The following SIN3B variants were observed in gnomAD, a reference collection of about 807,000 sequenced individuals.
SIN3B encodes SIN3 transcription regulator family member B.
In SIN3B, 19 loss-of-function variants were observed where a neutral mutation model predicts 120.2. The observed-to-expected ratio is 0.16, with a 90% CI of 0.11 to 0.23. The LOEUF (loss-of-function observed/expected upper bound fraction) is 0.23, where lower values mean the gene tolerates loss of function less well. Ranked by LOEUF, SIN3B falls within the 10% of genes least tolerant of loss-of-function variation. The probability of loss-of-function intolerance (pLI) is 1.00; values close to 1 mark genes in which losing one functional copy is unlikely to be tolerated. For synonymous variants in SIN3B, 654 were observed against 653.2 expected (o/e 1.00, Z -0.02); for missense variants, 1,073 against 1,573.0 (o/e 0.68, Z 5.38).
At chr19:16,875,632 G>T (rs1004123370) in intron 14 of SIN3B, among the ~76,000 whole-genome samples, 1 of 147,098 alleles carries the variant, frequency 6.8e-6, no homozygotes, top group Non-Finnish European at 1.5e-5. Context: ...GGTCTGGTCT[G>T]GTCTGGTCTG....
rs747342298 is a variant in SIN3B at position 16,841,821 on chromosome 19, G to A, written c.435G>A (p.Pro145=). Residue 145 remains proline, a synonymous_variant, in exon 4 of 19, where the codon CCG becomes CCA. Transcript: ENST00000248054. The part of the protein sequence containing the change: ...DGAEDFKQQV[P]YKEDKPQVPL... ...CAGAGGACTTCAAGCAGCAGGTGCCGTATAAAGAGGACAAACCCCAGGTGC... is the reference window on the plus strand; with the variant it reads ...CAGAGGACTTCAAGCAGCAGGTGCCATATAAAGAGGACAAACCCCAGGTGC... 24 of 1,613,954 alleles carry A rather than the reference G, an allele frequency of 1.5e-5. No homozygotes were observed. The highest frequency in any genetic ancestry group is 1.6e-4 in the Middle Eastern group (1 of 6,084).
Position 16,863,787 on chromosome 19 carries a change from G to A in SIN3B, c.1374G>A (p.Glu458=). Residue 458 remains glutamate, a synonymous_variant, in exon 10 of 19, where the codon GAG becomes GAA. Coordinates refer to ENST00000248054, the MANE Select transcript of SIN3B (RefSeq NM_001297595.2). ...YEEQLHRCED[E]RFELDVVLET... ...AGCAGCTTCACCGCTGTGAGGACGA[G>A]CGCTTCGAGGTGTGTGTGCTGCTGT... The A allele has an allele frequency of 6.2e-7, 1 of 1,613,312 alleles. No individual in the cohort carries two copies. The highest frequency in any genetic ancestry group is 1.7e-5 in the Admixed American group (1 of 60,026).
chr19:16,846,876 C>T, intron 4 of SIN3B, 94 bp from the exon 5 acceptor site: 1 of 1,353,044 alleles, frequency 7.4e-7, no homozygotes, highest in Non-Finnish European at 1.0e-6. Context: ...GAGAGTCATC[C>T]TGTCCCCTTC....
Position 16,832,500 on chromosome 19 carries a change from C to CT in SIN3B, c.381+871dup, listed in dbSNP as rs769025487. 8.4e-3 allele frequency among the ~76,000 whole-genome samples: 1,087 copies of CT among 129,520 alleles called. 10 individuals carry two copies. The highest frequency in any genetic ancestry group is 0.013 in the African/African-American group (443 of 35,102). The allele number at this position is 129,520 out of a possible 152,430, so 85.0% of individuals were successfully genotyped here. The stretch of plus-strand genomic sequence containing the variant: ...GGCGTGAGCCACCGTGCCCAGCCTC[C>CT]TTTTTTTTTTTTTTTTTTAAGACAG... On this transcript the variant is annotated intron_variant, in intron 3 of 18. Coordinates refer to ENST00000248054, the MANE Select transcript of SIN3B (RefSeq NM_001297595.2).
chr19:16,835,851 C>T (rs1304872251), intron 3 of SIN3B, among the ~76,000 whole-genome samples: 1 of 152,160 alleles, frequency 6.6e-6, no homozygotes, highest in East Asian at 1.9e-4. Flanking sequence ...GACAGGGTTT[C>T]ACCATGTTGT....
intron 3 of SIN3B, among the ~76,000 whole-genome samples, chr19:16,834,513 G>A (rs992336029): frequency 6.6e-6 from 1 of 152,108 alleles, no homozygotes; most frequent in Non-Finnish European, 1.5e-5. Context: ...CAATGATGAC[G>A]GTGCAGACCC....
At chr19:16,861,671 G>A (rs899468407) in intron 8 of SIN3B, among the ~76,000 whole-genome samples, 1 of 151,906 alleles carries the variant, frequency 6.6e-6, no homozygotes, top group African/African-American at 2.4e-5. Context: ...GCTGAGACAG[G>A]AGAATTGCTT....
intron 5 of SIN3B, among the ~76,000 whole-genome samples, chr19:16,847,492 C>T (rs761954647): frequency 3.9e-5 from 6 of 152,256 alleles, no homozygotes; most frequent in Non-Finnish European, 8.8e-5. Flanking sequence ...CCACAATCAT[C>T]GCTTCCCCTG....
At chr19:16,878,443 T>A in intron 18 of SIN3B, 53 bp downstream of exon 18, 1 of 1,578,208 alleles carries the variant, frequency 6.3e-7, no homozygotes, top group Non-Finnish European at 8.6e-7. Context: ...CCCCAAGTCC[T>A]GGGGCCCTGG....
intron 8 of SIN3B, among the ~76,000 whole-genome samples, chr19:16,858,169 G>C (rs1437994108): frequency 6.6e-6 from 1 of 152,132 alleles, no homozygotes; most frequent in African/African-American, 2.4e-5. Context: ...GAGCCACGGC[G>C]CCCAGGCCCT....
Position 16,878,167 on chromosome 19 carries a change from CT to C in SIN3B, c.2955-15del, listed in dbSNP as rs1258513238. On this transcript the variant is annotated splice_polypyrimidine_tract_variant and intron_variant, in intron 17 of 18. Transcript: ENST00000248054. ...TGCCGAGAGCCAGAGTCCATTCCAC[CT>C]CCTTTCGCCCCCAGGAACCTCAAGA... 1.9e-6 allele frequency: 3 copies of C among 1,543,932 alleles called. No homozygotes were observed. The highest frequency in any genetic ancestry group is 1.9e-5 in the Admixed American group (1 of 52,164).
At chr19:16,831,979 A>C (rs1465215081) in intron 3 of SIN3B, among the ~76,000 whole-genome samples, 1 of 152,140 alleles carries the variant, frequency 6.6e-6, no homozygotes, top group African/African-American at 2.4e-5. Flanking sequence ...CAGCGAGCAT[A>C]CCAGGCAGGC....
At chr19:16,832,284 G>A (rs1210693778) in intron 3 of SIN3B, among the ~76,000 whole-genome samples, 15 of 140,712 alleles carry the variant, frequency 1.1e-4, no homozygotes, top group African/African-American at 2.4e-4. Context: ...TGCAACCTCC[G>A]CCTCCCAGGT....
At chr19:16,850,196 CTTT>C (rs1041409580) in intron 5 of SIN3B, among the ~76,000 whole-genome samples, 4 of 151,720 alleles carry the variant, frequency 2.6e-5, no homozygotes, top group African/African-American at 9.7e-5. Flanking sequence ...TAAATAATGT[CTTT>C]ATTATTATTA....
intron 17 of SIN3B, among the ~76,000 whole-genome samples, chr19:16,877,861 C>T (rs748975589): frequency 1.3e-5 from 2 of 152,188 alleles, no homozygotes; most frequent in African/African-American, 2.4e-5. Context: ...GCCAACCCCA[C>T]GATGCGTCAG....
At chr19:16,859,987 G>A (rs1303541078) in intron 8 of SIN3B, among the ~76,000 whole-genome samples, 2 of 152,212 alleles carry the variant, frequency 1.3e-5, no homozygotes, top group Admixed American at 6.5e-5. Context: ...GGTTAGAGGG[G>A]AAGACAGAAG....
At chr19:16,830,396 G>A (rs985921620) in intron 2 of SIN3B, among the ~76,000 whole-genome samples, 5 of 152,116 alleles carry the variant, frequency 3.3e-5, no homozygotes, top group Admixed American at 1.3e-4. Flanking sequence ...AAGGGAGCTG[G>A]CACACAGAAA....
chr19:16,862,983 A>G lies in SIN3B; in HGVS notation c.1266+424A>G, dbSNP rs754118564. The stretch of plus-strand genomic sequence containing the variant: ...GATTCCAGGATATAGTGCAGGGGTC[A>G]GCAAACTCTGGCCCACGGGCCCTGG... On this transcript the variant is annotated intron_variant, in intron 9 of 18. Transcript: ENST00000248054. This position sits in a 1 kb window ranked among gnomAD's most constrained non-coding sequence, Gnocchi z 4.7. 2.5e-6 allele frequency: 4 copies of G among 1,611,788 alleles called. No individual in the cohort carries two copies. The highest frequency in any genetic ancestry group is 3.4e-6 in the Non-Finnish European group (4 of 1,177,888).
intron 17 of SIN3B, among the ~76,000 whole-genome samples, chr19:16,877,920 G>C (rs2051632063): frequency 6.6e-6 from 1 of 152,196 alleles, no homozygotes; most frequent in African/African-American, 2.4e-5. Context: ...GCCAGAGCTG[G>C]TGGGGCCAGG....
Sources: allele counts gnomAD v4.1 joint callset (sites outside exome capture counted in the v4.1 genomes callset), GRCh38; gene constraint gnomAD v4.1.1; non-coding constraint Gnocchi (gnomAD v3.1); transcripts MANE v1.5; gene names NCBI Gene and HGNC (gene_info 2026-07-23, HGNC 2026-07-21).